The following FLACC1 variants were observed in gnomAD, a reference collection of about 807,000 sequenced individuals.
FLACC1 encodes the protein flagellum-associated coiled-coil domain-containing protein 1.
FLACC1 carries 66 observed loss-of-function variants against 62.8 expected under a neutral mutation model. That is an observed-to-expected ratio of 1.05 (90% CI 0.86 to 1.29). The LOEUF (loss-of-function observed/expected upper bound fraction) is 1.29, where lower values mean the gene tolerates loss of function less well. Among genes scored for constraint, FLACC1 ranks in the 50% most tolerant of loss-of-function variants. The probability of loss-of-function intolerance (pLI) is 0.00; values close to 1 mark genes in which losing one functional copy is unlikely to be tolerated. For missense variants in FLACC1, 452 were observed against 489.1 expected (o/e 0.92, Z 0.71); for synonymous variants, 156 against 161.0 (o/e 0.97, Z 0.24).
chr2:201,299,118 G>T, intron 12 of FLACC1, 120 bp downstream of exon 12: 1 of 947,730 alleles, frequency 1.1e-6, no homozygotes, highest in Non-Finnish European at 1.6e-6. Flanking sequence ...TCAGCTTTAG[G>T]TCTTCCATTT....
chr2:201,324,234 C>G (rs1470669597), intron 9 of FLACC1, among the ~76,000 whole-genome samples: 2 of 152,064 alleles, frequency 1.3e-5, no homozygotes, highest in African/African-American at 4.8e-5. Context: ...AAACAAACTT[C>G]AAAGCAACAA....
At chr2:201,290,161 G>T (rs1949699344) in intron 12 of FLACC1, among the ~76,000 whole-genome samples, 2 of 152,312 alleles carry the variant, frequency 1.3e-5, no homozygotes, top group African/African-American at 2.4e-5. Flanking sequence ...GGGATAGAGG[G>T]CACTTTTAGA....
intron 7 of FLACC1, among the ~76,000 whole-genome samples, chr2:201,339,403 T>C (rs1352195944): frequency 6.6e-6 from 1 of 152,102 alleles, no homozygotes; most frequent in African/African-American, 2.4e-5. Context: ...TTTTAGTTTC[T>C]ATTTCGTTTA....
intron 11 of FLACC1, 61 bp downstream of exon 11, chr2:201,307,449 CACACCTGGG>C (rs1950128392): frequency 1.8e-6 from 2 of 1,120,222 alleles, no homozygotes; most frequent in Admixed American, 1.9e-5. Flanking sequence ...ATTATGGAGG[CACACCTGGG>C]GACTTGGGTG....
chr2:201,344,819 CA>C (rs1950880661), intron 5 of FLACC1, among the ~76,000 whole-genome samples: 1 of 152,180 alleles, frequency 6.6e-6, no homozygotes, highest in African/African-American at 2.4e-5. Flanking sequence ...AGTGACAAGG[CA>C]GCAGGTGGTG....
At chr2:201,298,839 G>A (rs1949919008) in intron 12 of FLACC1, among the ~76,000 whole-genome samples, 1 of 152,182 alleles carries the variant, frequency 6.6e-6, no homozygotes, top group Non-Finnish European at 1.5e-5. Context: ...CATGTGTGAG[G>A]TACATTCAGA....
intron 12 of FLACC1, among the ~76,000 whole-genome samples, chr2:201,296,509 T>C (rs1285605199): frequency 2.0e-5 from 2 of 100,922 alleles, no homozygotes; most frequent in South Asian, 4.2e-4. Flanking sequence ...CCGGGGCCTG[T>C]TGTGGGGTGG....
chr2:201,296,509 T>A (rs1285605199), intron 12 of FLACC1, among the ~76,000 whole-genome samples: 1 of 100,922 alleles, frequency 9.9e-6, no homozygotes. Flanking sequence ...CCGGGGCCTG[T>A]TGTGGGGTGG....
At chr2:201,343,178 G>A (rs1007191636) in intron 6 of FLACC1, among the ~76,000 whole-genome samples, 17 of 152,184 alleles carry the variant, frequency 1.1e-4, no homozygotes, top group African/African-American at 3.1e-4. Context: ...ACAACAAATA[G>A]CATCTTCACA....
chr2:201,337,028 ATTGT>A (rs35886815), intron 7 of FLACC1, among the ~76,000 whole-genome samples: 71,631 of 151,618 alleles, frequency 0.47, 17,381 homozygotes, highest in South Asian at 0.73. Context: ...TTACTGTTGA[ATTGT>A]TTGAGTCCTC....
rs978142813 is a variant in FLACC1 at position 201,326,288 on chromosome 2, T to C, written c.675+4182A>G. On this transcript the variant is annotated intron_variant, in intron 9 of 14. Coordinates refer to ENST00000392257, the MANE Select transcript of FLACC1 (RefSeq NM_001127391.3). This position sits in a 1 kb window ranked among gnomAD's most constrained non-coding sequence, Gnocchi z 4.1. Reference sequence around the variant, plus strand: ...ATGGCCACCTTCACTTTCACCACTCTCATTCAACATAGTTCTGGAAGTCCT... The same window carrying C: ...ATGGCCACCTTCACTTTCACCACTCCCATTCAACATAGTTCTGGAAGTCCT... 2.6e-5 allele frequency among the ~76,000 whole-genome samples: 4 copies of C among 152,082 alleles called. No individual in the cohort carries two copies. Among genetic ancestry groups the C allele is most frequent in the Non-Finnish European group, 5.9e-5 (4 of 67,972 alleles).
At chr2:201,293,629 AAC>A (rs1396638284) in intron 12 of FLACC1, among the ~76,000 whole-genome samples, 2 of 152,232 alleles carry the variant, frequency 1.3e-5, no homozygotes, top group Admixed American at 1.3e-4. Context: ...AGCAAGAGCA[AAC>A]ACATTCAAAA....
chr2:201,295,840 C>T (rs368019876), intron 12 of FLACC1, among the ~76,000 whole-genome samples: 2 of 151,946 alleles, frequency 1.3e-5, no homozygotes, highest in African/African-American at 4.8e-5. Flanking sequence ...ACCCCATGAA[C>T]AAGTGGGCAA....
At chr2:201,335,227 C>A (rs1313638771) in intron 7 of FLACC1, among the ~76,000 whole-genome samples, 1 of 152,048 alleles carries the variant, frequency 6.6e-6, no homozygotes, top group African/African-American at 2.4e-5. Flanking sequence ...TTTCAAAAAA[C>A]AACTCTTAGC....
At chr2:201,311,700 C>CAAAAAAAAAA (rs34119306) in intron 9 of FLACC1, among the ~76,000 whole-genome samples, 1 of 113,426 alleles carries the variant, frequency 8.8e-6, no homozygotes, top group African/African-American at 3.3e-5. Context: ...GACACTGACT[C>CAAAAAAAAAA]AAAAAAAAAA....
intron 7 of FLACC1, among the ~76,000 whole-genome samples, chr2:201,336,257 G>A: frequency 6.6e-6 from 1 of 152,172 alleles, no homozygotes; most frequent in Non-Finnish European, 1.5e-5. Context: ...AAAATATGCA[G>A]TATTTGGTTT....
chr2:201,337,791 G>A (rs148661172), intron 7 of FLACC1, among the ~76,000 whole-genome samples: 79 of 152,282 alleles, frequency 5.2e-4, no homozygotes, highest in African/African-American at 1.8e-3. Flanking sequence ...CCAAAGTGCT[G>A]GGATTACAGG....
At chr2:201,351,796 T>A (rs1486891912) in intron 1 of FLACC1, 1 of 179,320 alleles carries the variant, frequency 5.6e-6, no homozygotes, top group African/African-American at 2.4e-5. Flanking sequence ...ATACAAAAAT[T>A]AGCTGGGCAT....
intron 11 of FLACC1, among the ~76,000 whole-genome samples, chr2:201,302,582 T>C (rs1000558840): frequency 9.2e-5 from 14 of 152,196 alleles, no homozygotes; most frequent in Admixed American, 2.6e-4. Context: ...CAAGTGGACC[T>C]AATAGACATC....
Sources: gnomAD v4.1 joint callset for allele counts (sites outside exome capture counted in the v4.1 genomes callset) on GRCh38, gnomAD v4.1.1 for gene constraint, Gnocchi (gnomAD v3.1) non-coding constraint, MANE v1.5 for transcripts, NCBI Gene and HGNC (gene_info 2026-07-23, HGNC 2026-07-21) for gene names.